QNG1: variants seen among roughly 807,000 people sequenced by gnomAD.
QNG1 encodes the protein queuosine 5'-phosphate N-glycosylase/hydrolase.
the QNG1 span, among the ~76,000 whole-genome samples, chr9:83,943,469 C>A: frequency 2.0e-5 from 3 of 151,502 alleles, 1 homozygote; most frequent in Non-Finnish European, 4.4e-5. Context: ...GAAAAATAAG[C>A]CCTGATTGCT....
the QNG1 span, chr9:83,938,681 A>G: frequency 1.3e-5 from 2 of 151,878 alleles, no homozygotes; most frequent in Non-Finnish European, 2.9e-5. Context: ...GGGGAAAAAA[A>G]AAAAACATAA....
the QNG1 span, among the ~76,000 whole-genome samples, chr9:83,951,279 AG>A: frequency 6.6e-6 from 1 of 151,644 alleles, no homozygotes; most frequent in Non-Finnish European, 1.5e-5. Context: ...CAAAAAACAA[AG>A]GCTGGCATGG....
At chr9:83,941,057 C>A in the QNG1 span, among the ~76,000 whole-genome samples, 1 of 152,168 alleles carries the variant, frequency 6.6e-6, no homozygotes, top group Admixed American at 6.6e-5. Context: ...AGAGTGGCCA[C>A]GGAGGCAGAC....
chr9:83,939,753 G>A, the QNG1 span: 7 of 1,593,768 alleles, frequency 4.4e-6, no homozygotes, highest in Admixed American at 1.7e-5. Context: ...CCTGCAAGGG[G>A]GAAAAGCAGT....
the QNG1 span, chr9:83,944,696 G>T: frequency 1.1e-6 from 1 of 905,730 alleles, no homozygotes; most frequent in Non-Finnish European, 1.7e-6. Context: ...ACAATAAATA[G>T]TACTTTTTTT....
chr9:83,955,396 A>C, the QNG1 span: 19 of 1,613,856 alleles, frequency 1.2e-5, no homozygotes, highest in Non-Finnish European at 1.6e-5. Context: ...ACAGAGTCAC[A>C]TCTCTGTAAG....
At chr9:83,955,604 A>G in the QNG1 span, 3 of 1,614,064 alleles carry the variant, frequency 1.9e-6, no homozygotes, top group East Asian at 4.5e-5. Flanking sequence ...ATCCAGGGTC[A>G]CTGTCGCGTA....
the QNG1 span, chr9:83,955,401 T>G: frequency 3.1e-6 from 5 of 1,614,076 alleles, no homozygotes; most frequent in Non-Finnish European, 4.2e-6. Context: ...GTCACATCTC[T>G]GTAAGAAGGA....
the QNG1 span, chr9:83,944,962 C>T: frequency 5.6e-6 from 9 of 1,606,454 alleles, no homozygotes; most frequent in African/African-American, 9.4e-5. Context: ...AGGATTTGGG[C>T]TCGTTTGTAA....
At chr9:83,953,646 A>G in the QNG1 span, 1 of 622,824 alleles carries the variant, frequency 1.6e-6, no homozygotes, top group Non-Finnish European at 2.8e-6. Flanking sequence ...ACGCCAAGCC[A>G]ATTTCTTTTA....
chr9:83,948,998 T>G, the QNG1 span, among the ~76,000 whole-genome samples: 1 of 149,266 alleles, frequency 6.7e-6, no homozygotes, highest in East Asian at 2.0e-4. Context: ...CAGAGACCCT[T>G]GTTCACATGT....
the QNG1 span, among the ~76,000 whole-genome samples, chr9:83,952,079 T>G: frequency 6.6e-6 from 1 of 152,194 alleles, no homozygotes; most frequent in African/African-American, 2.4e-5. Flanking sequence ...CTCCACCTCC[T>G]GGGCTCAAGC....
At chr9:83,953,219 G>A in the QNG1 span, among the ~76,000 whole-genome samples, 2 of 152,160 alleles carry the variant, frequency 1.3e-5, no homozygotes, top group East Asian at 3.9e-4. Flanking sequence ...AGTGAGCCAA[G>A]ATACTGCCAC....
At chr9:83,950,477 A>G in the QNG1 span, among the ~76,000 whole-genome samples, 1 of 152,022 alleles carries the variant, frequency 6.6e-6, no homozygotes, top group African/African-American at 2.4e-5. Context: ...CCAAATAACA[A>G]TTGCTTACAT....
At chr9:83,939,066 G>C in the QNG1 span, 3 of 175,334 alleles carry the variant, frequency 1.7e-5, no homozygotes, top group Admixed American at 5.7e-5. Context: ...TTTTGTTGTT[G>C]TTGTTGTTGT....
At chr9:83,941,477 C>T in the QNG1 span, among the ~76,000 whole-genome samples, 2 of 151,392 alleles carry the variant, frequency 1.3e-5, no homozygotes, top group African/African-American at 4.9e-5. Flanking sequence ...CCCAGCTACT[C>T]AGGAGGCTGG....
the QNG1 span, chr9:83,956,405 T>G: frequency 6.3e-7 from 1 of 1,596,352 alleles, no homozygotes; most frequent in Non-Finnish European, 8.5e-7. Flanking sequence ...GCAGCAGCTC[T>G]GCCACCCTCC....
At chr9:83,952,654 G>A in the QNG1 span, among the ~76,000 whole-genome samples, 10 of 152,006 alleles carry the variant, frequency 6.6e-5, no homozygotes, top group South Asian at 2.1e-4. Context: ...AATTAGCCGC[G>A]CGTGGTGGCG....
chr9:83,944,019 T>TCAAA, the QNG1 span, among the ~76,000 whole-genome samples: 6 of 143,068 alleles, frequency 4.2e-5, no homozygotes, highest in African/African-American at 1.5e-4. Flanking sequence ...AGACTCCGTC[T>TCAAA]CAAACAAACA....
Sources: allele counts gnomAD v4.1 joint callset (sites outside exome capture counted in the v4.1 genomes callset), GRCh38; gene constraint gnomAD v4.1.1; transcripts MANE v1.5; gene names NCBI Gene and HGNC (gene_info 2026-07-23, HGNC 2026-07-21).